FUT8: variants seen among roughly 807,000 people sequenced by gnomAD.
FUT8 encodes the protein fucosyltransferase 8.
FUT8 carries 29 observed loss-of-function variants against 71.3 expected under a neutral mutation model. The observed-to-expected ratio is 0.41, with a 90% CI of 0.30 to 0.55. The LOEUF (loss-of-function observed/expected upper bound fraction) is 0.55, where lower values mean the gene tolerates loss of function less well. FUT8 is among the 20% of genes least tolerant of loss of function. The pLI is 0.34. For synonymous variants in FUT8, 254 were observed against 239.3 expected (o/e 1.06, Z -0.57); for missense variants, 544 against 702.1 (o/e 0.77, Z 2.55).
intron 3 of FUT8, among the ~76,000 whole-genome samples, chr14:65,612,009 G>C (rs1889025526): frequency 6.6e-6 from 1 of 152,052 alleles, no homozygotes; most frequent in African/African-American, 2.4e-5. Flanking sequence ...TCTAACTTTT[G>C]AACATATGAA....
intron 9 of FUT8, among the ~76,000 whole-genome samples, chr14:65,728,833 A>G (rs1196048263): frequency 2.0e-5 from 3 of 152,204 alleles, no homozygotes; most frequent in East Asian, 1.9e-4. Context: ...ATAGTTGGCT[A>G]TGCCATCTAG....
intron 2 of FUT8, among the ~76,000 whole-genome samples, chr14:65,473,318 T>G (rs1464576738): frequency 6.6e-6 from 1 of 152,136 alleles, no homozygotes; most frequent in African/African-American, 2.4e-5. Flanking sequence ...GAAGTCTGTC[T>G]CTCTCTCTGT....
chr14:65,585,393 C>G (rs1275284554), intron 3 of FUT8, among the ~76,000 whole-genome samples: 1 of 152,048 alleles, frequency 6.6e-6, no homozygotes, highest in African/African-American at 2.4e-5. Context: ...TGCCATGTTG[C>G]TCAGGCTGGT....
At chr14:65,482,354 G>T (rs1184638459) in intron 2 of FUT8, among the ~76,000 whole-genome samples, 1 of 151,162 alleles carries the variant, frequency 6.6e-6, no homozygotes, top group Non-Finnish European at 1.5e-5. Context: ...TCTCATACCA[G>T]CTCAGTTTTA....
intron 2 of FUT8, among the ~76,000 whole-genome samples, chr14:65,480,604 G>A (rs1022862261): frequency 4.0e-5 from 6 of 151,596 alleles, no homozygotes; most frequent in Admixed American, 6.6e-5. Flanking sequence ...TGTCAGCCAC[G>A]GTGCCTGGCA....
upstream of FUT8, among the ~76,000 whole-genome samples, chr14:65,408,658 C>G (rs888667308): frequency 3.9e-5 from 6 of 152,142 alleles, no homozygotes; most frequent in Non-Finnish European, 8.8e-5. Context: ...TGCTTTATCC[C>G]AGTGGAGAAG....
chr14:65,715,219 T>C (rs1187180794), intron 7 of FUT8, among the ~76,000 whole-genome samples: 1 of 152,240 alleles, frequency 6.6e-6, no homozygotes, highest in Non-Finnish European at 1.5e-5. Context: ...TGGATCTATG[T>C]ATATGGCTTT....
intron 2 of FUT8, among the ~76,000 whole-genome samples, chr14:65,557,798 A>G (rs1401165081): frequency 6.6e-6 from 1 of 152,180 alleles, no homozygotes; most frequent in Non-Finnish European, 1.5e-5. Context: ...CCACTCTGAG[A>G]AGAAATCTCA....
chr14:65,425,579 T>G (rs934973341), intron 1 of FUT8, among the ~76,000 whole-genome samples: 1 of 152,066 alleles, frequency 6.6e-6, no homozygotes, highest in South Asian at 2.1e-4. Context: ...ACTTGATGTT[T>G]TGGTATATGT....
rs2065175649 is a variant in FUT8 at position 65,413,665 on chromosome 14, T to C, written c.-326+451T>C. On this transcript the variant is annotated intron_variant, in intron 1 of 10. Transcript: ENST00000673929. The surrounding 1 kb of genome is among the most constrained non-coding windows in gnomAD (Gnocchi z 4.1). ...AGATGCCCGTGCGTTATGGGCTCTT[T>C]CTGAGTGCTGCTCGGGCTAGAAAGC... Among the ~76,000 whole-genome samples, 1 of 152,166 alleles carries C rather than the reference T, an allele frequency of 6.6e-6. No individual in the cohort carries two copies. Among genetic ancestry groups the C allele is most frequent in the Admixed American group, 6.5e-5 (1 of 15,274 alleles).
At chr14:65,497,998 C>T (rs1164767192) in intron 2 of FUT8, among the ~76,000 whole-genome samples, 1 of 152,148 alleles carries the variant, frequency 6.6e-6, no homozygotes, top group East Asian at 1.9e-4. Context: ...GATTTCAAAG[C>T]AGATAGAAAT....
chr14:65,727,929 A>G (rs915153041), intron 9 of FUT8, among the ~76,000 whole-genome samples: 2 of 152,194 alleles, frequency 1.3e-5, no homozygotes, highest in African/African-American at 2.4e-5. Context: ...TCAAAGTTCC[A>G]CAAATCTCTA....
chr14:65,457,670 G>T (rs921494251), intron 2 of FUT8, among the ~76,000 whole-genome samples: 1 of 152,172 alleles, frequency 6.6e-6, no homozygotes, highest in African/African-American at 2.4e-5. Context: ...GAGCAAGCAG[G>T]GGGTACGTGA....
At chr14:65,491,628 A>G (rs2066483418) in intron 2 of FUT8, among the ~76,000 whole-genome samples, 1 of 152,176 alleles carries the variant, frequency 6.6e-6, no homozygotes, top group South Asian at 2.1e-4. Context: ...ATAATTTTTA[A>G]AGCACGAATT....
intron 2 of FUT8, among the ~76,000 whole-genome samples, chr14:65,536,140 G>A (rs1293120421): frequency 2.6e-5 from 4 of 151,982 alleles, no homozygotes; most frequent in Admixed American, 1.3e-4. Flanking sequence ...TAGCCTACGG[G>A]TGTCATTGCA....
intron 7 of FUT8, among the ~76,000 whole-genome samples, chr14:65,686,340 A>T (rs1208830467): frequency 6.6e-6 from 1 of 152,196 alleles, no homozygotes; most frequent in Non-Finnish European, 1.5e-5. Flanking sequence ...TTACTTATAC[A>T]ATACCAAATC....
chr14:65,709,437 T>A (rs913126339), intron 7 of FUT8, among the ~76,000 whole-genome samples: 2 of 152,158 alleles, frequency 1.3e-5, no homozygotes, highest in South Asian at 2.1e-4. Context: ...GTAAGAAAGT[T>A]ACTCCTTTTT....
chr14:65,615,881 T>G lies in FUT8; in HGVS notation c.204-97T>G, dbSNP rs989784314. On this transcript the variant is annotated intron_variant, in intron 3 of 10. Transcript: ENST00000673929. ...CTTTTGTGCTATATGGTTCAACAACTTATGGAGTTTACAGTATAAATGTTT... is the reference window on the plus strand; with the variant it reads ...CTTTTGTGCTATATGGTTCAACAACGTATGGAGTTTACAGTATAAATGTTT... 4 of 812,152 alleles carry G rather than the reference T, an allele frequency of 4.9e-6. No individual in the cohort carries two copies. In the African/African-American group the frequency reaches 5.2e-5, roughly 11 times the overall value. 50.3% of individuals were successfully genotyped at this position (812,152 alleles called of 1,614,324 possible). A position where few individuals can be genotyped will look rare whatever the true frequency, so the allele number is the denominator to read the frequency against.
At chr14:65,412,117 C>T (rs1030801991), upstream of FUT8, 2 of 455,564 alleles carry the variant, frequency 4.4e-6, no homozygotes, top group African/African-American at 4.0e-5. Flanking sequence ...GGGCATCGAA[C>T]TCAGGCCCTC....
Sources: gnomAD v4.1 joint callset for allele counts (sites outside exome capture counted in the v4.1 genomes callset) on GRCh38, gnomAD v4.1.1 for gene constraint, Gnocchi (gnomAD v3.1) non-coding constraint, MANE v1.5 for transcripts, NCBI Gene and HGNC (gene_info 2026-07-23, HGNC 2026-07-21) for gene names.